BCAR1: variants seen among roughly 807,000 people sequenced by gnomAD.
BCAR1 encodes the protein breast cancer anti-estrogen resistance protein 1.
In BCAR1, 30 loss-of-function variants were observed where a neutral mutation model predicts 67.6. The ratio of observed to expected loss-of-function variants is 0.44; its 90% confidence interval spans 0.33 to 0.60. The LOEUF is 0.60. BCAR1 is among the 20% of genes least tolerant of loss of function. The pLI is 0.02. For synonymous variants in BCAR1, 626 were observed against 556.7 expected, an observed-to-expected ratio of 1.12 and a Z score of -1.75; for missense variants, 1,313 against 1,222.3, an observed-to-expected ratio of 1.07 and a Z score of -1.11.
At chr16:75,244,705 G>C (rs572672103) in intron 1 of BCAR1, among the ~76,000 whole-genome samples, 19 of 152,348 alleles carry the variant, frequency 1.2e-4, no homozygotes, top group Admixed American at 9.1e-4. Context: ...GGAGGAGCAA[G>C]GCCCAAGGGA....
At chr16:75,231,416 T>C (rs139168009) in intron 6 of BCAR1, among the ~76,000 whole-genome samples, 4,563 of 152,290 alleles carry the variant, frequency 0.03, 99 homozygotes, top group Middle Eastern at 0.1. Flanking sequence ...TTCATAGTTA[T>C]ATAATATCCC....
intron 2 of BCAR1, chr16:75,238,221 C>T: frequency 3.4e-6 from 4 of 1,184,624 alleles, no homozygotes; most frequent in South Asian, 1.5e-5. Context: ...TGCCAGGCAG[C>T]CTCCTTCCCT....
chr16:75,239,854 G>A (rs574378138), intron 2 of BCAR1, among the ~76,000 whole-genome samples: 19 of 152,318 alleles, frequency 1.2e-4, no homozygotes, highest in Admixed American at 4.6e-4. Context: ...CTTCTAGGGC[G>A]AGGAGGGTGA....
chr16:75,230,233 G>C (rs1050215731), intron 6 of BCAR1, among the ~76,000 whole-genome samples: 1 of 152,214 alleles, frequency 6.6e-6, no homozygotes, highest in African/African-American at 2.4e-5. Flanking sequence ...CCTTCCACCA[G>C]TCTCAAAAGG....
intron 1 of BCAR1, chr16:75,265,137 T>A (rs554146947): frequency 6.6e-6 from 1 of 152,298 alleles, no homozygotes. Context: ...GACAGAAAAC[T>A]CCCTACGGCC....
intron 1 of BCAR1, among the ~76,000 whole-genome samples, chr16:75,262,503 G>A (rs952628942): frequency 2.0e-5 from 3 of 152,222 alleles, no homozygotes; most frequent in African/African-American, 7.2e-5. Context: ...TACAGAGGGA[G>A]GGACAGGCTG....
chr16:75,257,070 G>C (rs2077795253), intron 1 of BCAR1, among the ~76,000 whole-genome samples: 2 of 152,178 alleles, frequency 1.3e-5, no homozygotes, highest in African/African-American at 4.8e-5. Flanking sequence ...GGGGCAAAGG[G>C]GCAAGCTCTG....
intron 6 of BCAR1, 77 bp downstream of exon 6, chr16:75,233,769 C>A: frequency 7.0e-7 from 1 of 1,430,390 alleles, no homozygotes; most frequent in South Asian, 1.2e-5. Flanking sequence ...GACCCGGGGT[C>A]GGCCCTGCAG....
intron 1 of BCAR1, chr16:75,266,432 C>T (rs912789810): frequency 7.3e-6 from 2 of 272,468 alleles, no homozygotes; most frequent in African/African-American, 2.2e-5. Context: ...TCTGACCTGG[C>T]TTCTAGGGAG....
intron 2 of BCAR1, 25 bp downstream of exon 2, chr16:75,242,445 C>T (rs761427361): frequency 5.6e-6 from 8 of 1,422,554 alleles, no homozygotes; most frequent in Admixed American, 5.4e-5. Flanking sequence ...TGTGTGGCTG[C>T]ACAACTGTGC....
intron 2 of BCAR1, among the ~76,000 whole-genome samples, chr16:75,241,340 G>A (rs1030682762): frequency 6.6e-6 from 1 of 152,120 alleles, no homozygotes; most frequent in Admixed American, 6.5e-5. Flanking sequence ...TGTGTGCATG[G>A]GTGTTCGTAT....
upstream of BCAR1, chr16:75,251,627 C>G (rs1184254010): frequency 4.0e-6 from 4 of 1,006,970 alleles, no homozygotes; most frequent in African/African-American, 7.0e-5. Flanking sequence ...GCCGGTCCAG[C>G]CGCTCTCCGC....
rs771837251 is a variant in BCAR1, at chr16:75,236,960, A to T, written c.834T>A (p.Asn278Lys). Residue 278 changes from asparagine (N) to lysine (K), a missense_variant, in exon 4 of 7, where the codon AAT becomes AAA. This residue lies in a region of BCAR1 where 1,272 missense variants were observed against 1,137.5 expected (regional missense o/e 1.12). Coordinates refer to ENST00000162330, the MANE Select transcript of BCAR1 (RefSeq NM_014567.5). Reference protein sequence around the residue: ...DTPPMAVKGPNGRDPLLEVYD... With the variant: ...DTPPMAVKGPKGRDPLLEVYD... ...ACACCTCCAGCAACGGGTCTCGGCC[A>T]TTGGGACCCTTGACAGCCATGGGGG... 2 of 1,610,674 alleles carry T rather than the reference A, an allele frequency of 1.2e-6. No homozygotes were observed. Among genetic ancestry groups the T allele is most frequent in the South Asian group, 2.2e-5 (2 of 90,308 alleles).
rs1347133736 is a variant in BCAR1, at chr16:75,251,553, G to T, written c.-71C>A. On this transcript the variant is annotated 5_prime_UTR_variant, in exon 1 of 7. Transcript: ENST00000162330. ...CGAGCTGCCCGGGCCGCGTGCCCTC[G>T]GGGCTCCGAGCGCGCCGCAGCCGCC... 3 of 1,150,500 alleles carry T rather than the reference G, an allele frequency of 2.6e-6. No homozygotes were observed. The East Asian group carries it at 1.2e-4, about 48-fold the overall frequency. The allele number at this position is 1,150,500 out of a possible 1,614,324, so 71.3% of individuals were successfully genotyped here.
chr16:75,263,762 T>A lies in BCAR1; in HGVS notation c.66+4153A>T, dbSNP rs114029325. 1,408 of 986,342 alleles carry A rather than the reference T, an allele frequency of 1.4e-3. 20 individuals carry two copies. In the African/African-American group the frequency reaches 0.023, roughly 16 times the overall value. The allele number at this position is 986,342 out of a possible 1,614,324, so 61.1% of individuals were successfully genotyped here. ...TGGGTGTGCTTAAAACCCAGACGTG[T>A]CCCTGAGCAGTCGCCACTCTGGGTT... On this transcript the variant is annotated intron_variant, in intron 1 of 6. Coordinates refer to the BCAR1 transcript ENST00000393422.
At chr16:75,254,765 G>C (rs985520377), upstream of BCAR1, among the ~76,000 whole-genome samples, 17 of 152,312 alleles carry the variant, frequency 1.1e-4, no homozygotes, top group Non-Finnish European at 2.4e-4. Flanking sequence ...CCAGGTTGAA[G>C]ATGAGCTCAC....
intron 1 of BCAR1, chr16:75,243,621 C>T (rs1051480472): frequency 4.0e-5 from 17 of 424,478 alleles, no homozygotes; most frequent in Admixed American, 3.7e-4. Flanking sequence ...AAACTTCAAA[C>T]ACCTTCCCCA....
intron 2 of BCAR1, among the ~76,000 whole-genome samples, chr16:75,241,204 G>A (rs1218321655): frequency 1.3e-5 from 2 of 152,208 alleles, no homozygotes; most frequent in African/African-American, 2.4e-5. Flanking sequence ...GGGTGTGTGC[G>A]TGTTCATGCA....
chr16:75,251,912 C>T (rs1275444230), upstream of BCAR1: 1 of 468,494 alleles, frequency 2.1e-6, no homozygotes, highest in Non-Finnish European at 3.8e-6. Context: ...GAGAACGCAC[C>T]GAAGGCCTAC....
Sources: allele counts gnomAD v4.1 joint callset (sites outside exome capture counted in the v4.1 genomes callset), GRCh38; gene constraint gnomAD v4.1.1; regional missense constraint gnomAD v4.1.1; transcripts MANE v1.5; gene names NCBI Gene and HGNC (gene_info 2026-07-23, HGNC 2026-07-21).